KRT80: variants seen among roughly 807,000 people sequenced by gnomAD.
KRT80 encodes the protein keratin 80.
In KRT80, 36 loss-of-function variants were observed where a neutral mutation model predicts 51.5. The ratio of observed to expected loss-of-function variants is 0.70; its 90% CI spans 0.54 to 0.92. KRT80 has a LOEUF of 0.92. Ranked by LOEUF, KRT80 falls within the 40% of genes least tolerant of loss-of-function variation. KRT80 has a pLI of 0.00. For missense variants in KRT80, 566 were observed against 591.7 expected (o/e 0.96, Z 0.45); for synonymous variants, 235 against 248.3 (o/e 0.95, Z 0.50).
In KRT80 at chr12:52,180,921, G is replaced by T; in HGVS notation, c.552C>A (p.Thr184=). The T allele has an allele frequency of 6.3e-7, 1 of 1,575,096 alleles. No homozygotes were observed. The highest frequency in any genetic ancestry group is 8.6e-7 in the Non-Finnish European group (1 of 1,164,542). The part of the protein sequence containing the change: ...EISKRTDMEF[T]FVQLKKDLDA... ...AGGCTACCTTCTTCAGCTGAACAAA[G>T]GTGAACTCCATGTCTGTGCGCTTGG... Residue 184 remains threonine (T), a synonymous_variant, in exon 3 of 9, where the codon ACC becomes ACA. Coordinates refer to ENST00000394815, the MANE Select transcript of KRT80 (RefSeq NM_182507.3).
Position 52,180,976 on chromosome 12 carries a change from G to A in KRT80, c.510-13C>T. The A allele has an allele frequency of 2.6e-6, 4 of 1,519,366 alleles. No individual in the cohort carries two copies. The highest frequency in any genetic ancestry group is 3.5e-6 in the Non-Finnish European group (4 of 1,135,564). 94.1% of individuals were successfully genotyped at this position (1,519,366 alleles called of 1,614,324 possible). A position where few individuals can be genotyped will look rare whatever the true frequency, so the allele number is the denominator to read the frequency against. ...CTCATCCTCATACCTGGGAGGGAGA[G>A]AGGGGTTGCTCAGCTGGATATGGTG... On this transcript the variant is annotated splice_polypyrimidine_tract_variant and intron_variant, in intron 2 of 8. Transcript: ENST00000394815.
rs917217023 is a variant in KRT80, at chr12:52,169,292, C to T, written c.*2106G>A. 2 of 152,254 alleles carry T rather than the reference C, an allele frequency of 1.3e-5. No homozygotes were observed. The highest frequency in any genetic ancestry group is 4.8e-5 in the African/African-American group (2 of 41,454). 9.4% of individuals were successfully genotyped at this position (152,254 alleles called of 1,614,324 possible). On this transcript the variant is annotated 3_prime_UTR_variant, in exon 9 of 9. Transcript: ENST00000394815. ...AAATACTTCCCACCAGGCTCCACTT[C>T]CAACACTGGGAATTACATTTCAACA... is the stretch of plus-strand genomic sequence containing the variant.
chr12:52,191,858 G>A lies in KRT80; in HGVS notation c.45C>T (p.Ser15=), dbSNP rs778587234. The change falls in exon 1 of 9, where the codon AGC becomes AGT. Residue 15 remains serine (S), a synonymous_variant. Coordinates refer to ENST00000394815, the MANE Select transcript of KRT80 (RefSeq NM_182507.3). ...SCVVGFSSLS[S]CEVTPVGSPR... ...GGCTGCCCACCGGGGTCACCTCACA[G>A]CTGCTGAGGCTGCTGAAGCCAACCA... The A allele has an allele frequency of 1.1e-5, 16 of 1,522,072 alleles. No individual in the cohort carries two copies. In the African/African-American group the frequency reaches 1.8e-4, roughly 17 times the overall value. 94.3% of individuals were successfully genotyped at this position (1,522,072 alleles called of 1,614,324 possible).
At chr12:52,186,622 C>A (rs778233797) in intron 1 of KRT80, among the ~76,000 whole-genome samples, 1 of 152,214 alleles carries the variant, frequency 6.6e-6, no homozygotes, top group Non-Finnish European at 1.5e-5. Context: ...GGTTTAGAAC[C>A]TTTTAACCAC....
intron 2 of KRT80, among the ~76,000 whole-genome samples, chr12:52,184,688 T>G (rs1416242003): frequency 6.6e-6 from 1 of 152,196 alleles, no homozygotes; most frequent in Non-Finnish European, 1.5e-5. Flanking sequence ...TGATGAAGAT[T>G]AAACCTCATT....
At position 52,173,778 on chromosome 12, in the gene KRT80, G is replaced by A; in HGVS notation, c.667-14C>T. 1.9e-6 allele frequency: 3 copies of A among 1,607,262 alleles called. No homozygotes were observed. Among genetic ancestry groups the A allele is most frequent in the Non-Finnish European group, 2.5e-6 (3 of 1,179,504 alleles). On this transcript the variant is annotated splice_polypyrimidine_tract_variant and intron_variant, in intron 4 of 8. Coordinates refer to ENST00000394815, the MANE Select transcript of KRT80 (RefSeq NM_182507.3). ...GTCCTTCAGCTCCTGACCGGGCACA[G>A]ATGTGGGGGCTCAGGGCTGGTGGGG...
chr12:52,173,067 G>T lies in KRT80; in HGVS notation c.928C>A (p.Arg310=), dbSNP rs183742007. 2 of 1,612,194 alleles carry T rather than the reference G, an allele frequency of 1.2e-6. No individual in the cohort carries two copies. Among genetic ancestry groups the T allele is most frequent in the Non-Finnish European group, 1.7e-6 (2 of 1,178,628 alleles). Residue 310 remains arginine, a synonymous_variant, in exon 6 of 9, where the codon CGG becomes AGG. Transcript: ENST00000394815. ...CTCTTGACAGAGAGGATCTGGGACC[G>T]CAGCTTCTGGATGCGCACATTGAGA... The part of the protein sequence containing the change: ...ADLNVRIQKL[R]SQILSVKSHC...
intron 1 of KRT80, among the ~76,000 whole-genome samples, chr12:52,187,620 G>A (rs540544062): frequency 1.3e-4 from 20 of 152,302 alleles, no homozygotes; most frequent in Non-Finnish European, 2.5e-4. Context: ...GGTATTTGCG[G>A]GCTGCCATTC....
chr12:52,181,571 G>A (rs1000021514), intron 2 of KRT80, among the ~76,000 whole-genome samples: 3 of 152,232 alleles, frequency 2.0e-5, no homozygotes, highest in African/African-American at 7.2e-5. Context: ...CTAAGGGGTA[G>A]GCATGTGCCC....
rs376481645 is a variant in KRT80, at chr12:52,173,642, C to T, written c.789G>A (p.Ala263=). The stretch of plus-strand genomic sequence containing the variant: ...CCTCGGCCTCCTCCAGGCTGCGAGC[C>T]GCGACGGCGTCATACTGGGCCTTCA... ...EEVKAQYDAV[A]ARSLEEAEAY... Residue 263 remains alanine, a synonymous_variant, in exon 5 of 9, where the codon GCG becomes GCA. Transcript: ENST00000394815. The T allele has an allele frequency of 1.5e-4, 234 of 1,613,112 alleles. 1 individual carries two copies. In the South Asian group the frequency reaches 2.2e-3, roughly 15 times the overall value.
At chr12:52,180,457 T>A in intron 4 of KRT80, 56 bp downstream of exon 4, 1 of 1,247,270 alleles carries the variant, frequency 8.0e-7, no homozygotes, top group Admixed American at 2.8e-5. Flanking sequence ...CTGTGTCCTT[T>A]ACCCATGGAC....
At chr12:52,185,089 G>T (rs1425196946) in intron 2 of KRT80, among the ~76,000 whole-genome samples, 2 of 152,216 alleles carry the variant, frequency 1.3e-5, no homozygotes, top group Non-Finnish European at 2.9e-5. Flanking sequence ...AGGGGGTGCG[G>T]GTTATGATGA....
intron 4 of KRT80, among the ~76,000 whole-genome samples, chr12:52,179,657 T>C (rs1941289565): frequency 6.6e-6 from 1 of 152,206 alleles, no homozygotes; most frequent in African/African-American, 2.4e-5. Context: ...TTTAGCAGAA[T>C]CTGTAAGTTG....
chr12:52,171,714 C>T lies in KRT80; in HGVS notation c.1179-1G>A. 3.2e-6 allele frequency: 1 copy of T among 315,582 alleles called. No individual in the cohort carries two copies. Among genetic ancestry groups the T allele is most frequent in the Non-Finnish European group, 5.8e-6 (1 of 173,740 alleles). The allele number at this position is 315,582 out of a possible 1,614,324, so 19.5% of individuals were successfully genotyped here. A position where few individuals can be genotyped will look rare whatever the true frequency, so the allele number is the denominator to read the frequency against. On this transcript the variant is annotated splice_acceptor_variant, in intron 7 of 8. Transcript: ENST00000394815. LOFTEE classifies it high-confidence loss of function. ...CACAGTGGCTGAGGGCGAGTCCATCCTGGGGGTGGGGGACGGGGGGGTGGG... is the reference window on the plus strand; with the variant it reads ...CACAGTGGCTGAGGGCGAGTCCATCTTGGGGGTGGGGGACGGGGGGGTGGG...
rs780152058 is a variant in KRT80, at chr12:52,170,499, G to A, written c.*899C>T. The A allele has an allele frequency of 6.6e-6, 1 of 152,252 alleles. No individual in the cohort carries two copies. The highest frequency in any genetic ancestry group is 1.5e-5 in the Non-Finnish European group (1 of 68,084). The allele number at this position is 152,252 out of a possible 1,614,324, so 9.4% of individuals were successfully genotyped here. On this transcript the variant is annotated 3_prime_UTR_variant, in exon 9 of 9. Transcript: ENST00000394815. ...TCCAAGGCCTGGTGCACCAAAGCCC[G>A]GTGCTCAGGCTGGGAACAACCCGGC...
At chr12:52,177,729 A>G (rs931828903) in intron 4 of KRT80, among the ~76,000 whole-genome samples, 1 of 151,820 alleles carries the variant, frequency 6.6e-6, no homozygotes, top group Non-Finnish European at 1.5e-5. Flanking sequence ...TCTGGGACAC[A>G]GGGGTAGGCC....
intron 4 of KRT80, 133 bp from the exon 5 acceptor site, chr12:52,173,897 T>G: frequency 2.2e-6 from 2 of 923,254 alleles, no homozygotes; most frequent in South Asian, 1.7e-5. Flanking sequence ...GGAGAGATGA[T>G]GGAAGGCCGA....
At chr12:52,189,446 A>G (rs1372693310) in intron 1 of KRT80, among the ~76,000 whole-genome samples, 2 of 152,236 alleles carry the variant, frequency 1.3e-5, no homozygotes, top group African/African-American at 2.4e-5. Context: ...AAATTCTCCC[A>G]TTTGATTCTA....
chr12:52,177,206 A>G (rs1941241813), intron 4 of KRT80, among the ~76,000 whole-genome samples: 1 of 152,228 alleles, frequency 6.6e-6, no homozygotes, highest in Non-Finnish European at 1.5e-5. Flanking sequence ...GGTGCTCACT[A>G]AACAGTAGTT....
Sources: gnomAD v4.1 joint callset for allele counts (sites outside exome capture counted in the v4.1 genomes callset) on GRCh38, gnomAD v4.1.1 for gene constraint, MANE v1.5 for transcripts, NCBI Gene and HGNC (gene_info 2026-07-23, HGNC 2026-07-21) for gene names.